The following ACSF2 variants were observed in gnomAD, a reference collection of about 807,000 sequenced individuals.
ACSF2 encodes the protein acyl-CoA synthetase family member 2.
Under a neutral mutation model 79.3 loss-of-function variants are expected in ACSF2, and 52 were observed. The observed-to-expected ratio is 0.66, with a 90% confidence interval of 0.53 to 0.83. ACSF2 has a LOEUF of 0.83. Among genes scored for constraint, ACSF2 ranks in the 40% least tolerant of loss-of-function variants. The probability of loss-of-function intolerance (pLI) is 0.00; values close to 1 mark genes in which losing one functional copy is unlikely to be tolerated. For synonymous variants in ACSF2, 283 were observed against 312.6 expected, an observed-to-expected ratio of 0.91 and a Z score of 1.00; for missense variants, 661 against 803.3, an observed-to-expected ratio of 0.82 and a Z score of 2.14.
chr17:50,463,306 G>A lies in ACSF2; in HGVS notation c.888+55G>A, dbSNP rs2032464824. 12 of 1,611,600 alleles carry A rather than the reference G, an allele frequency of 7.4e-6. No homozygotes were observed. The highest frequency in any genetic ancestry group is 9.3e-6 in the Non-Finnish European group (11 of 1,178,568). ...TGCAGGAGGGGTGGCTCAGGCAGGG[G>A]TGGGGGGCTGGCTGGGCTCCCCTTG... On this transcript the variant is annotated intron_variant, in intron 7 of 15. Coordinates refer to ENST00000300441, the MANE Select transcript of ACSF2 (RefSeq NM_025149.6). The surrounding 1 kb of genome is among the most constrained non-coding windows in gnomAD (Gnocchi z 4.6).
intron 10 of ACSF2, chr17:50,468,350 T>C (rs1329017566): frequency 2.5e-6 from 4 of 1,613,924 alleles, no homozygotes; most frequent in Admixed American, 1.7e-5. Context: ...CTTGTTGTTG[T>C]TGAGCTGCAA....
At chr17:50,443,478 G>A (rs1004592091) in intron 1 of ACSF2, among the ~76,000 whole-genome samples, 1 of 152,174 alleles carries the variant, frequency 6.6e-6, no homozygotes, top group Non-Finnish European at 1.5e-5. Flanking sequence ...ACTGAAGATC[G>A]ATTTAGAATA....
intron 10 of ACSF2, chr17:50,465,581 G>T: frequency 6.8e-7 from 1 of 1,461,300 alleles, no homozygotes; most frequent in Non-Finnish European, 9.4e-7. Flanking sequence ...GGAAACTGAG[G>T]CTCCCAGGGT....
Position 50,474,455 on chromosome 17 carries a change from G to T in ACSF2, c.1798-47G>T. On this transcript the variant is annotated intron_variant, in intron 15 of 15. Transcript: ENST00000300441. The surrounding 1 kb of genome is among the most constrained non-coding windows in gnomAD (Gnocchi z 4.2). ...AGCCTGAGAAACCCCTTATTCTTGG[G>T]TGAACCAAGACAGCTGGTAACCCTA... 1 of 1,598,832 alleles carries T rather than the reference G, an allele frequency of 6.3e-7. No individual in the cohort carries two copies. Among genetic ancestry groups the T allele is most frequent in the Middle Eastern group, 1.7e-4 (1 of 6,030 alleles).
Position 50,472,493 on chromosome 17 carries a change from C to A in ACSF2, c.1389C>A (p.Ile463=). The A allele has an allele frequency of 1.2e-6, 2 of 1,613,198 alleles. No individual in the cohort carries two copies. The change falls in exon 12 of 16, where the codon ATC becomes ATA. Residue 463 remains isoleucine, a synonymous_variant. Transcript: ENST00000300441. ...TGAACACGCCCGGGGAGCTGTGCAT[C>A]CGAGGGTACTGCGTCATGCTGGGCT... ...AKLNTPGELC[I]RGYCVMLGYW...
intron 10 of ACSF2, chr17:50,468,464 C>G (rs1204552121): frequency 6.2e-7 from 1 of 1,614,258 alleles, no homozygotes; most frequent in South Asian, 1.1e-5. Context: ...GTCGAAGGCA[C>G]CTGCGCGCAG....
At chr17:50,436,225 G>C (rs1318635560) in intron 1 of ACSF2, among the ~76,000 whole-genome samples, 1 of 151,038 alleles carries the variant, frequency 6.6e-6, no homozygotes, top group Non-Finnish European at 1.5e-5. Context: ...CGCCTACCGG[G>C]TTCACGCCAT....
In ACSF2 at chr17:50,473,937, C is replaced by A; in HGVS notation, c.1661C>A (p.Ala554Asp). Residue 554 changes from alanine (A) to aspartate (D), a missense_variant, in exon 14 of 16, where the codon GCC becomes GAC. By Grantham distance (126) the Ala-to-Asp change is moderately radical. Coordinates refer to ENST00000300441, the MANE Select transcript of ACSF2 (RefSeq NM_025149.6). The stretch of plus-strand genomic sequence containing the variant: ...GATCGGATGGGGGAAGAGATTTGTG[C>A]CTGCATTCGGCTGAAGGACGGGGAG... ...KDDRMGEEIC[A>D]CIRLKDGEET... The A allele has an allele frequency of 6.4e-7, 1 of 1,567,814 alleles. No individual in the cohort carries two copies. Among genetic ancestry groups the A allele is most frequent in the Admixed American group, 1.8e-5 (1 of 55,140 alleles).
At chr17:50,461,116 G>A (rs2032302509) in intron 2 of ACSF2, 126 bp from the exon 3 acceptor site, 3 of 1,450,322 alleles carry the variant, frequency 2.1e-6, no homozygotes, top group South Asian at 2.6e-5. Context: ...CTGAGGCTGG[G>A]AATCTGCCTG....
At chr17:50,435,982 T>G (rs2030375064) in intron 1 of ACSF2, among the ~76,000 whole-genome samples, 2 of 152,116 alleles carry the variant, frequency 1.3e-5, no homozygotes, top group African/African-American at 4.8e-5. Flanking sequence ...GTGTCAAGCC[T>G]AATAACTTTT....
chr17:50,433,786 A>AT (rs1283686049), intron 1 of ACSF2, among the ~76,000 whole-genome samples: 1 of 151,662 alleles, frequency 6.6e-6, no homozygotes, highest in African/African-American at 2.4e-5. Context: ...GCCTTGCTAA[A>AT]TTTTTTGTAT....
rs192570695 is a variant in ACSF2 at position 50,436,086 on chromosome 17, C to G, written c.128+9697C>G. ...GCTTATATAGAATGTGAGACTTAGT[C>G]AGAGTTCATTTTTGTTGTTGTTGTT... On this transcript the variant is annotated intron_variant, in intron 1 of 15. Transcript: ENST00000300441. 2.6e-3 allele frequency among the ~76,000 whole-genome samples: 401 copies of G among 151,948 alleles called. 2 individuals are homozygous for G. Among genetic ancestry groups the G allele is most frequent in the African/African-American group, 9.3e-3 (385 of 41,420 alleles).
At position 50,463,659 on chromosome 17, in the gene ACSF2, T is replaced by C. The variant is rs2032490208; in HGVS notation, c.1046+107T>C. 1.3e-6 allele frequency: 2 copies of C among 1,535,592 alleles called. No homozygotes were observed. The highest frequency in any genetic ancestry group is 1.8e-5 in the Admixed American group (1 of 55,700). ...TGCCTCCTCCCTCCAGCCAGGAGAC[T>C]GAGGATGGGGACAGTGGAGGACCCC... On this transcript the variant is annotated intron_variant, in intron 8 of 15. Transcript: ENST00000300441. The surrounding 1 kb of genome is among the most constrained non-coding windows in gnomAD (Gnocchi z 4.6).
Position 50,472,541 on chromosome 17 carries a change from A to G in ACSF2, c.1437A>G (p.Thr479=), listed in dbSNP as rs1356076313. The change falls in exon 12 of 16, where the codon ACA becomes ACG. Residue 479 remains threonine (T), a synonymous_variant. Transcript: ENST00000300441. ...MLGYWGEPQK[T]EEAVDQDKWY... ...GCTACTGGGGTGAGCCTCAGAAGAC[A>G]GAGGAAGCAGTGGATCAGGACAAGT... is the stretch of plus-strand genomic sequence containing the variant. 6.2e-7 allele frequency: 1 copy of G among 1,611,764 alleles called. No individual in the cohort carries two copies. The highest frequency in any genetic ancestry group is 8.5e-7 in the Non-Finnish European group (1 of 1,178,994).
At chr17:50,431,516 G>T (rs759768022) in intron 1 of ACSF2, among the ~76,000 whole-genome samples, 1 of 152,162 alleles carries the variant, frequency 6.6e-6, no homozygotes, top group Non-Finnish European at 1.5e-5. Context: ...TTGTACTTCC[G>T]TGAAATCTCA....
chr17:50,449,471 C>T (rs2031525647), intron 1 of ACSF2, among the ~76,000 whole-genome samples: 1 of 149,858 alleles, frequency 6.7e-6, no homozygotes, highest in African/African-American at 2.5e-5. Flanking sequence ...GTGGCGCGAT[C>T]TCGGCTCACT....
At position 50,454,266 on chromosome 17, in the gene ACSF2, C is replaced by G. The variant is rs1288495360; in HGVS notation, c.129-6411C>G. Among the ~76,000 whole-genome samples, 8 of 151,232 alleles carry G rather than the reference C, an allele frequency of 5.3e-5. No individual in the cohort carries two copies. The East Asian group carries it at 9.7e-4, about 18-fold the overall frequency. ...GGCTTGAGCAATTCCCCTGCCTTGG[C>G]CTTCCAAAGTGCTGGGATTACAGGC... On this transcript the variant is annotated intron_variant, in intron 1 of 15. Coordinates refer to ENST00000300441, the MANE Select transcript of ACSF2 (RefSeq NM_025149.6).
Position 50,459,503 on chromosome 17 carries a change from A to G in ACSF2, c.129-1174A>G, listed in dbSNP as rs557618094. On this transcript the variant is annotated intron_variant, in intron 1 of 15. Coordinates refer to ENST00000300441, the MANE Select transcript of ACSF2 (RefSeq NM_025149.6). The stretch of plus-strand genomic sequence containing the variant: ...AGCGATCCTCCTGCTGCAGCCTCCC[A>G]AAGTGCTGGCAAGACTTTACAGGTG... Among the ~76,000 whole-genome samples, 24 of 152,306 alleles carry G rather than the reference A, an allele frequency of 1.6e-4. No homozygotes were observed. In the South Asian group the frequency reaches 2.3e-3, roughly 14 times the overall value.
rs1338011163 is a variant in ACSF2, at chr17:50,460,838, A to T, written c.290A>T (p.Asp97Val). The change falls in exon 2 of 16, where the codon GAC becomes GTC. Residue 97 changes from aspartate (D) to valine (V), a missense_variant. By Grantham distance (152) the Asp-to-Val change is radical. Transcript: ENST00000300441. ...GAGGCCTTGGTCGTCCTCCATGAAG[A>T]CGTCAGGTTGACCTTTGCCCAACTC... ...EREALVVLHE[D>V]VRLTFAQLKE... The T allele has an allele frequency of 6.2e-7, 1 of 1,611,412 alleles. No individual in the cohort carries two copies.
Sources: allele counts gnomAD v4.1 joint callset (sites outside exome capture counted in the v4.1 genomes callset), GRCh38; gene constraint gnomAD v4.1.1; non-coding constraint Gnocchi (gnomAD v3.1); transcripts MANE v1.5; gene names NCBI Gene and HGNC (gene_info 2026-07-23, HGNC 2026-07-21).